RNF220: variants seen among roughly 807,000 people sequenced by gnomAD.
The protein encoded by RNF220 is ring finger protein 220.
Under a neutral mutation model 67.1 loss-of-function variants are expected in RNF220, and 7 were observed. The ratio of observed to expected loss-of-function variants is 0.10; its 90% confidence interval spans 0.06 to 0.20. The LOEUF is 0.20. Ranked by LOEUF, RNF220 falls within the 10% of genes least tolerant of loss-of-function variation. RNF220 has a pLI of 1.00. For missense variants in RNF220, 565 were observed against 740.3 expected, an observed-to-expected ratio of 0.76 and a Z score of 2.75; for synonymous variants, 270 against 283.2, an observed-to-expected ratio of 0.95 and a Z score of 0.47.
chr1:44,458,269 AT>A (rs1371009857), intron 2 of RNF220, among the ~76,000 whole-genome samples: 29 of 151,864 alleles, frequency 1.9e-4, no homozygotes, highest in Non-Finnish European at 2.5e-4. Context: ...AAAAAAAAAA[AT>A]AACAAGAAAC....
intron 2 of RNF220, among the ~76,000 whole-genome samples, chr1:44,510,542 C>T (rs1263567167): frequency 1.3e-5 from 2 of 152,212 alleles, no homozygotes; most frequent in African/African-American, 4.8e-5. Flanking sequence ...AGGACATTAA[C>T]ATCACCCTCC....
In RNF220 at chr1:44,650,726, A is replaced by G. The variant is rs1324164619; in HGVS notation, c.1652A>G (p.Gln551Arg). ...RTLGAKKLCP[Q>R]CNTITAPGDL... is the part of the protein sequence containing the mutation. ...CAGGGTGCCAAGAAGCTCTGCCCTC[A>G]GTGCAACACGATCACAGCGCCCGGA... The change falls in exon 15 of 15, where the codon CAG becomes CGG. Residue 551 changes from glutamine to arginine, a missense_variant. Transcript: ENST00000361799. The surrounding 1 kb of genome is among the most constrained non-coding windows in gnomAD (Gnocchi z 4.3). 2 of 1,613,418 alleles carry G rather than the reference A, an allele frequency of 1.2e-6. No homozygotes were observed. Among genetic ancestry groups the G allele is most frequent in the Non-Finnish European group, 1.7e-6 (2 of 1,179,826 alleles).
At chr1:44,545,337 A>C (rs1192029004) in intron 2 of RNF220, among the ~76,000 whole-genome samples, 1 of 152,244 alleles carries the variant, frequency 6.6e-6, no homozygotes, top group African/African-American at 2.4e-5. Flanking sequence ...ATTGTGGAGA[A>C]GAAAGCTACT....
At chr1:44,541,645 C>A (rs990624037) in intron 2 of RNF220, among the ~76,000 whole-genome samples, 117 of 152,336 alleles carry the variant, frequency 7.7e-4, no homozygotes, top group African/African-American at 2.7e-3. Flanking sequence ...ACTGTAGGAG[C>A]TTTCCCTTTT....
chr1:44,505,038 A>G (rs950547059), intron 2 of RNF220, among the ~76,000 whole-genome samples: 2 of 152,208 alleles, frequency 1.3e-5, no homozygotes, highest in African/African-American at 4.8e-5. Flanking sequence ...CTCGCTTTCC[A>G]TGATGCTCCT....
At chr1:44,518,031 C>A (rs183725501) in intron 2 of RNF220, among the ~76,000 whole-genome samples, 1 of 152,178 alleles carries the variant, frequency 6.6e-6, no homozygotes, top group Admixed American at 6.5e-5. Context: ...CACTTGAACC[C>A]GGGAGGCGGA....
At chr1:44,485,188 C>G (rs1296238302) in intron 2 of RNF220, among the ~76,000 whole-genome samples, 3 of 152,148 alleles carry the variant, frequency 2.0e-5, no homozygotes, top group Non-Finnish European at 4.4e-5. Flanking sequence ...CTTTGTGGCT[C>G]AGTTGAGGAA....
At position 44,634,429 on chromosome 1, in the gene RNF220, A is replaced by G. The variant is rs117316207; in HGVS notation, c.950-1116A>G. Among the ~76,000 whole-genome samples the G allele has an allele frequency of 1.6e-4, 25 of 152,360 alleles. No individual in the cohort carries two copies. The East Asian group carries it at 4.1e-3, about 25-fold the overall frequency. The stretch of plus-strand genomic sequence containing the variant: ...CTTGGCTGTGAGCCTGACACACGGT[A>G]GAAGCTTAAATTGTAACATAGCAGC... On this transcript the variant is annotated intron_variant, in intron 6 of 14. Transcript: ENST00000361799.
Position 44,565,471 on chromosome 1 carries a change from C to G in RNF220, c.626-48694C>G, listed in dbSNP as rs2148301119. Among the ~76,000 whole-genome samples the G allele has an allele frequency of 6.6e-6, 1 of 152,280 alleles. No individual in the cohort carries two copies. The highest frequency in any genetic ancestry group is 1.9e-4 in the East Asian group (1 of 5,184). ...AGCCGCAGGAGCCGCTTAATCTGCC[C>G]CTAGGAAGTGCAGGCTGGGGACAGC... On this transcript the variant is annotated intron_variant, in intron 2 of 14. Coordinates refer to ENST00000361799, the MANE Select transcript of RNF220 (RefSeq NM_018150.4). This position sits in a 1 kb window ranked among gnomAD's most constrained non-coding sequence, Gnocchi z 4.2.
At chr1:44,580,340 G>C (rs1002847803) in intron 2 of RNF220, among the ~76,000 whole-genome samples, 1 of 152,098 alleles carries the variant, frequency 6.6e-6, no homozygotes, top group Non-Finnish European at 1.5e-5. Context: ...AGTGCCTATG[G>C]GTCAGGATAT....
chr1:44,414,628 T>A (rs1018863358), intron 2 of RNF220, among the ~76,000 whole-genome samples: 6 of 152,074 alleles, frequency 3.9e-5, no homozygotes, highest in African/African-American at 1.4e-4. Context: ...TGGAGATGGA[T>A]CCCTCACACA....
intron 2 of RNF220, among the ~76,000 whole-genome samples, chr1:44,432,451 A>G (rs1650491673): frequency 6.6e-6 from 1 of 152,064 alleles, no homozygotes; most frequent in South Asian, 2.1e-4. Context: ...TTGTATTTTT[A>G]GTAGAGACAG....
Position 44,650,089 on chromosome 1 carries a change from AT to A in RNF220, c.1629+135del. On this transcript the variant is annotated intron_variant, in intron 14 of 14. Coordinates refer to ENST00000361799, the MANE Select transcript of RNF220 (RefSeq NM_018150.4). The surrounding 1 kb of genome is among the most constrained non-coding windows in gnomAD (Gnocchi z 4.3). The stretch of plus-strand genomic sequence containing the variant: ...GGAGAACAGAGCCAGGAGCCAGGAT[AT>A]TTACCCGCAGGATATTTACCCCCAG... The A allele has an allele frequency of 3.2e-6, 3 of 940,666 alleles. No homozygotes were observed. The highest frequency in any genetic ancestry group is 4.8e-6 in the Non-Finnish European group (3 of 630,932). The allele number at this position is 940,666 out of a possible 1,614,324, so 58.3% of individuals were successfully genotyped here. A position where few individuals can be genotyped will look rare whatever the true frequency, so the allele number is the denominator to read the frequency against.
chr1:44,425,959 G>C (rs1649725365), intron 2 of RNF220, among the ~76,000 whole-genome samples: 1 of 152,158 alleles, frequency 6.6e-6, no homozygotes, highest in African/African-American at 2.4e-5. Flanking sequence ...TGTGTTCCCT[G>C]AGACCGACCG....
intron 2 of RNF220, among the ~76,000 whole-genome samples, chr1:44,515,685 C>A (rs1432760869): frequency 6.6e-6 from 1 of 152,106 alleles, no homozygotes; most frequent in Non-Finnish European, 1.5e-5. Flanking sequence ...GGCTAACATT[C>A]CATCCATGAA....
At chr1:44,426,465 G>A (rs1014599809) in intron 2 of RNF220, among the ~76,000 whole-genome samples, 3 of 152,168 alleles carry the variant, frequency 2.0e-5, no homozygotes, top group African/African-American at 4.8e-5. Context: ...GGTGGCTCAC[G>A]CCTGTAATCC....
chr1:44,642,248 G>A (rs1468566352), intron 8 of RNF220, among the ~76,000 whole-genome samples: 1 of 152,216 alleles, frequency 6.6e-6, no homozygotes, highest in Admixed American at 6.5e-5. Flanking sequence ...AAGAACGTGG[G>A]AAGCCCCATC....
chr1:44,543,143 G>T (rs1407270944), intron 2 of RNF220, among the ~76,000 whole-genome samples: 1 of 152,080 alleles, frequency 6.6e-6, no homozygotes, highest in Non-Finnish European at 1.5e-5. Flanking sequence ...CTTTCCGGAG[G>T]GATGGTTCTG....
intron 5 of RNF220, among the ~76,000 whole-genome samples, chr1:44,629,583 A>G (rs1268783884): frequency 6.6e-6 from 1 of 152,206 alleles, no homozygotes; most frequent in Non-Finnish European, 1.5e-5. Context: ...CATGCCTGTA[A>G]TCTCAGCACT....
Sources: allele counts gnomAD v4.1 joint callset (sites outside exome capture counted in the v4.1 genomes callset), GRCh38; gene constraint gnomAD v4.1.1; non-coding constraint Gnocchi (gnomAD v3.1); transcripts MANE v1.5; gene names NCBI Gene and HGNC (gene_info 2026-07-23, HGNC 2026-07-21).